The following KLHL2 variants were observed in gnomAD, a reference collection of about 807,000 sequenced individuals.
KLHL2 encodes kelch like family member 2, also known as kelch-like protein 2.
KLHL2 carries 15 observed loss-of-function variants against 75.8 expected under a neutral mutation model. The observed-to-expected ratio is 0.20, with a 90% CI of 0.13 to 0.30. The LOEUF (loss-of-function observed/expected upper bound fraction) is 0.30. Ranked by LOEUF, KLHL2 falls within the 10% of genes least tolerant of loss-of-function variation. The probability of loss-of-function intolerance (pLI) is 1.00; values close to 1 mark genes in which losing one functional copy is unlikely to be tolerated. For missense variants in KLHL2, 381 were observed against 741.0 expected (o/e 0.51, Z 5.64); for synonymous variants, 214 against 251.9 (o/e 0.85, Z 1.42).
chr4:165,315,808 T>C (rs1746550007), intron 13 of KLHL2, among the ~76,000 whole-genome samples: 1 of 152,176 alleles, frequency 6.6e-6, no homozygotes, highest in Admixed American at 6.5e-5. Context: ...AGGACATGTA[T>C]TCAATGTTAA....
intron 4 of KLHL2, among the ~76,000 whole-genome samples, chr4:165,260,860 G>A (rs1741609909): frequency 6.6e-6 from 1 of 152,178 alleles, no homozygotes; most frequent in Non-Finnish European, 1.5e-5. Flanking sequence ...CAGAGGACAT[G>A]TGCATTTGTA....
chr4:165,306,274 A>G lies in KLHL2; in HGVS notation c.1039+549A>G, dbSNP rs184515770. ...GTTCTGTATGTAATGGAACGTTTCT[A>G]TGATGGTAGTACTTTAACAATACAT... On this transcript the variant is annotated intron_variant, in intron 9 of 14. Transcript: ENST00000226725. Among the ~76,000 whole-genome samples the G allele has an allele frequency of 2.0e-5, 3 of 152,360 alleles. No homozygotes were observed. In the East Asian group the frequency reaches 5.8e-4, roughly 29 times the overall value.
chr4:165,308,110 A>G (rs1434529312), intron 9 of KLHL2, among the ~76,000 whole-genome samples: 3 of 152,210 alleles, frequency 2.0e-5, no homozygotes, highest in African/African-American at 7.2e-5. Context: ...TTACTATGTT[A>G]TGAAACTAGT....
At chr4:165,265,416 A>G (rs1220084579) in intron 5 of KLHL2, among the ~76,000 whole-genome samples, 10 of 151,900 alleles carry the variant, frequency 6.6e-5, no homozygotes, top group Non-Finnish European at 1.3e-4. Context: ...TGTTTGTCAC[A>G]TTTGCATTTG....
At chr4:165,281,177 A>G (rs1271400534) in intron 5 of KLHL2, among the ~76,000 whole-genome samples, 1 of 152,180 alleles carries the variant, frequency 6.6e-6, no homozygotes, top group Non-Finnish European at 1.5e-5. Flanking sequence ...GTGTTTAGAA[A>G]TCAAATACAA....
chr4:165,288,101 CCT>C (rs1404974643), intron 5 of KLHL2, among the ~76,000 whole-genome samples: 3 of 152,246 alleles, frequency 2.0e-5, no homozygotes, highest in East Asian at 1.9e-4. Flanking sequence ...AACTTTCCCC[CCT>C]GTGTTTACTT....
intron 4 of KLHL2, among the ~76,000 whole-genome samples, chr4:165,251,874 G>T (rs1430216446): frequency 3.3e-5 from 5 of 152,126 alleles, no homozygotes; most frequent in Non-Finnish European, 5.9e-5. Flanking sequence ...CTCCCAAAGT[G>T]CTGGGATTAC....
At chr4:165,278,860 A>G (rs1560798095) in intron 5 of KLHL2, 3 of 1,514,626 alleles carry the variant, frequency 2.0e-6, no homozygotes, top group African/African-American at 2.7e-5. Flanking sequence ...CCACCAGTGC[A>G]GCAGACTGGT....
At chr4:165,321,930 A>G (rs60759634) in intron 14 of KLHL2, 102 bp from the exon 15 acceptor site, 394,912 of 985,628 alleles carry the variant, frequency 0.4, 82,985 homozygotes, top group Middle Eastern at 0.5. Flanking sequence ...TGATTTGTAC[A>G]GTTCCTCCTG....
chr4:165,313,367 G>A lies in KLHL2; in HGVS notation c.1468+1G>A. 1 of 1,494,204 alleles carries A rather than the reference G, an allele frequency of 6.7e-7. No individual in the cohort carries two copies. The highest frequency in any genetic ancestry group is 8.9e-7 in the Non-Finnish European group (1 of 1,123,538). The allele number at this position is 1,494,204 out of a possible 1,614,324, so 92.6% of individuals were successfully genotyped here. ...ATGAGCACCAGGCGGAGTGGAGCAGGTACATGTGAACCTGTTTTAGCAACT... is the reference window on the plus strand; with the variant it reads ...ATGAGCACCAGGCGGAGTGGAGCAGATACATGTGAACCTGTTTTAGCAACT... On this transcript the variant is annotated splice_donor_variant, in intron 12 of 14. Transcript: ENST00000226725. LOFTEE classifies it high-confidence loss of function.
chr4:165,232,602 C>T (rs1738988294), intron 3 of KLHL2, among the ~76,000 whole-genome samples: 1 of 151,506 alleles, frequency 6.6e-6, no homozygotes, highest in African/African-American at 2.4e-5. Context: ...AGCATGGTCA[C>T]ACGTGCCTGT....
chr4:165,244,909 A>G (rs1740130587), intron 4 of KLHL2, among the ~76,000 whole-genome samples: 1 of 152,122 alleles, frequency 6.6e-6, no homozygotes. Context: ...AAATAATTTT[A>G]AAACTGAGGG....
At chr4:165,294,663 T>C (rs1744776431) in intron 6 of KLHL2, among the ~76,000 whole-genome samples, 195 bp downstream of exon 6, 1 of 152,186 alleles carries the variant, frequency 6.6e-6, no homozygotes, top group South Asian at 2.1e-4. Context: ...GACTTGTTGA[T>C]TGTCTATGTA....
chr4:165,291,516 CTG>C (rs1744505734), intron 5 of KLHL2, among the ~76,000 whole-genome samples: 1 of 152,156 alleles, frequency 6.6e-6, no homozygotes, highest in Non-Finnish European at 1.5e-5. Context: ...GAAGTGGAGT[CTG>C]TGTCTAGATT....
chr4:165,264,313 G>A (rs1016825989), intron 5 of KLHL2, among the ~76,000 whole-genome samples: 2 of 150,866 alleles, frequency 1.3e-5, no homozygotes, highest in South Asian at 2.1e-4. Context: ...TAATGTACCC[G>A]TCACCTGAGT....
rs549377019 is a variant in KLHL2 at position 165,284,280 on chromosome 4, A to G, written c.545-10079A>G. ...TGTATTGTCAGGCTGCAAATTTTCCAAACTTTTATGCTCTGTTTCCCTTTC... is the reference window on the plus strand; with the variant it reads ...TGTATTGTCAGGCTGCAAATTTTCCGAACTTTTATGCTCTGTTTCCCTTTC... On this transcript the variant is annotated intron_variant, in intron 5 of 14. Coordinates refer to ENST00000226725, the MANE Select transcript of KLHL2 (RefSeq NM_007246.4). Among the ~76,000 whole-genome samples, 181 of 152,300 alleles carry G rather than the reference A, an allele frequency of 1.2e-3. 1 individual carries two copies. The highest frequency in any genetic ancestry group is 4.3e-3 in the African/African-American group (178 of 41,572).
chr4:165,287,519 G>T (rs925666421), intron 5 of KLHL2, among the ~76,000 whole-genome samples: 4 of 152,164 alleles, frequency 2.6e-5, no homozygotes, highest in Non-Finnish European at 5.9e-5. Flanking sequence ...ACAGAAGTGG[G>T]ATTGTTGGAT....
At position 165,207,897 on chromosome 4, in the gene KLHL2, T is replaced by C; in HGVS notation, c.21T>C (p.Pro7=). The change falls in exon 1 of 15, where the codon CCT becomes CCC. Residue 7 remains proline, a synonymous_variant. Transcript: ENST00000226725. The surrounding 1 kb of genome is among the most constrained non-coding windows in gnomAD (Gnocchi z 4.2). ...CCACAATGGAGACGCCGCCGCTGCC[T>C]CCCGCGTGAGTGAGCGGGCGGGCGG... is the stretch of plus-strand genomic sequence containing the variant. METPPL[P]PACTKQGHQK... 3.5e-6 allele frequency: 5 copies of C among 1,436,116 alleles called. No individual in the cohort carries two copies. The highest frequency in any genetic ancestry group is 4.6e-6 in the Non-Finnish European group (5 of 1,087,270). 89.0% of individuals were successfully genotyped at this position (1,436,116 alleles called of 1,614,324 possible). A position where few individuals can be genotyped will look rare whatever the true frequency, so the allele number is the denominator to read the frequency against.
chr4:165,313,427 A>C, intron 12 of KLHL2, 61 bp downstream of exon 12: 1 of 1,376,448 alleles, frequency 7.3e-7, no homozygotes, highest in Middle Eastern at 1.9e-4. Flanking sequence ...GTTAAAGTAA[A>C]ATGATTCAGT....
Sources: gnomAD v4.1 joint callset for allele counts (sites outside exome capture counted in the v4.1 genomes callset) on GRCh38, gnomAD v4.1.1 for gene constraint, Gnocchi (gnomAD v3.1) non-coding constraint, MANE v1.5 for transcripts, NCBI Gene and HGNC (gene_info 2026-07-23, HGNC 2026-07-21) for gene names.